Variants in FGF12 observed in about 807,000 individuals in gnomAD.
The protein encoded by FGF12 is fibroblast growth factor 12B.
In FGF12, 14 loss-of-function variants were observed where a neutral mutation model predicts 23.6. That is an observed-to-expected ratio of 0.59 (90% confidence interval 0.39 to 0.93). The LOEUF is 0.93. Ranked by LOEUF, FGF12 falls within the 40% of genes least tolerant of loss-of-function variation. FGF12 has a pLI of 0.00. For synonymous variants in FGF12, 62 were observed against 77.3 expected, an observed-to-expected ratio of 0.80 and a Z score of 1.04; for missense variants, 175 against 217.8, an observed-to-expected ratio of 0.80 and a Z score of 1.24.
chr3:192,303,850 T>C (rs1440431201), intron 4 of FGF12, among the ~76,000 whole-genome samples: 2 of 152,176 alleles, frequency 1.3e-5, no homozygotes, highest in African/African-American at 2.4e-5. Flanking sequence ...ATATAGCAGA[T>C]CTCAAAGCCC....
intron 2 of FGF12, among the ~76,000 whole-genome samples, chr3:192,379,964 A>G (rs1719747657): frequency 6.6e-6 from 1 of 152,200 alleles, no homozygotes; most frequent in Non-Finnish European, 1.5e-5. Flanking sequence ...GTTATTGGAT[A>G]CCATAAAGTA....
intron 2 of FGF12, among the ~76,000 whole-genome samples, chr3:192,381,994 CT>C (rs112331195): frequency 3.4e-3 from 497 of 145,294 alleles, no homozygotes; most frequent in East Asian, 7.9e-3. Flanking sequence ...TAGCATAACA[CT>C]TTTTTTTTTT....
chr3:192,710,792 T>C (rs1007531464), intron 2 of FGF12, among the ~76,000 whole-genome samples: 1 of 152,198 alleles, frequency 6.6e-6, no homozygotes, highest in Non-Finnish European at 1.5e-5. Flanking sequence ...ACTCTCTGCA[T>C]AGTGGACAGA....
At chr3:192,369,557 G>A (rs1008861099) in intron 2 of FGF12, among the ~76,000 whole-genome samples, 2 of 152,322 alleles carry the variant, frequency 1.3e-5, no homozygotes, top group Middle Eastern at 3.4e-3. Context: ...GACATGAGAC[G>A]GAGGGCAGGA....
chr3:192,417,457 C>A (rs572685769), intron 2 of FGF12, among the ~76,000 whole-genome samples: 1 of 151,408 alleles, frequency 6.6e-6, no homozygotes, highest in South Asian at 2.1e-4. Context: ...CCTGTAAGAA[C>A]GTAGTATAGT....
chr3:192,249,471 A>G (rs1231101028), intron 4 of FGF12, among the ~76,000 whole-genome samples: 1 of 152,188 alleles, frequency 6.6e-6, no homozygotes, highest in Non-Finnish European at 1.5e-5. Flanking sequence ...CCACCACTTC[A>G]TGAACAGTCA....
intron 2 of FGF12, among the ~76,000 whole-genome samples, chr3:192,690,192 G>A (rs1159578463): frequency 6.6e-6 from 1 of 151,818 alleles, no homozygotes; most frequent in Non-Finnish European, 1.5e-5. Context: ...TTACTAATTA[G>A]TAACATAAAA....
intron 2 of FGF12, among the ~76,000 whole-genome samples, chr3:192,669,328 C>G (rs1910437): frequency 0.46 from 69,694 of 151,824 alleles, 16,464 homozygotes; most frequent in East Asian, 0.66. Context: ...TGGTTCACGC[C>G]TGTAATCCCA....
At chr3:192,685,637 C>T (rs1717705331) in intron 2 of FGF12, among the ~76,000 whole-genome samples, 2 of 151,870 alleles carry the variant, frequency 1.3e-5, no homozygotes, top group Admixed American at 1.3e-4. Flanking sequence ...CAGGTACCAG[C>T]ACGGAGGAGA....
intron 2 of FGF12, among the ~76,000 whole-genome samples, chr3:192,565,580 G>C (rs528134342): frequency 6.6e-6 from 1 of 152,250 alleles, no homozygotes; most frequent in Non-Finnish European, 1.5e-5. Flanking sequence ...TGCTGTATAG[G>C]TTTTTGTAGC....
intron 2 of FGF12, among the ~76,000 whole-genome samples, chr3:192,618,833 A>G (rs1714862887): frequency 6.6e-6 from 1 of 152,032 alleles, no homozygotes; most frequent in Non-Finnish European, 1.5e-5. Context: ...ATCCGCCTTA[A>G]ATTAGCAAAC....
intron 2 of FGF12, among the ~76,000 whole-genome samples, chr3:192,400,188 C>G (rs1720698754): frequency 6.6e-6 from 1 of 152,118 alleles, no homozygotes; most frequent in South Asian, 2.1e-4. Context: ...AATCAAATAA[C>G]TAACAATAGG....
At chr3:192,630,609 G>T (rs1715351497) in intron 2 of FGF12, among the ~76,000 whole-genome samples, 1 of 148,126 alleles carries the variant, frequency 6.8e-6, no homozygotes, top group Non-Finnish European at 1.5e-5. Context: ...CTGGAGTGCA[G>T]TGGCGCGATC....
chr3:192,314,595 C>T (rs1445791939), intron 4 of FGF12, among the ~76,000 whole-genome samples: 2 of 152,148 alleles, frequency 1.3e-5, no homozygotes, highest in Non-Finnish European at 1.5e-5. Context: ...GAACCAATAC[C>T]GATAAATGTC....
chr3:192,580,620 G>GT (rs1216749949), intron 2 of FGF12, among the ~76,000 whole-genome samples: 1 of 152,042 alleles, frequency 6.6e-6, no homozygotes, highest in African/African-American at 2.4e-5. Context: ...GTTTTGTTTT[G>GT]TTTTTGAGAC....
intron 4 of FGF12, among the ~76,000 whole-genome samples, chr3:192,189,618 T>C (rs564048841): frequency 6.8e-4 from 103 of 152,186 alleles, no homozygotes; most frequent in African/African-American, 2.4e-3. Flanking sequence ...AGAGGAAATT[T>C]GGATATGCAC....
chr3:192,227,388 A>G (rs774606584), intron 4 of FGF12, among the ~76,000 whole-genome samples: 1 of 152,070 alleles, frequency 6.6e-6, no homozygotes, highest in Non-Finnish European at 1.5e-5. Context: ...CTTTGCTTTT[A>G]TGAGGATGCC....
chr3:192,268,086 T>C (rs1713192378), intron 4 of FGF12, among the ~76,000 whole-genome samples: 1 of 152,218 alleles, frequency 6.6e-6, no homozygotes, highest in Non-Finnish European at 1.5e-5. Context: ...CCCAGCACAG[T>C]ACTATGAAAT....
intron 2 of FGF12, among the ~76,000 whole-genome samples, chr3:192,419,601 A>G (rs1721458827): frequency 6.6e-6 from 1 of 152,156 alleles, no homozygotes; most frequent in South Asian, 2.1e-4. Flanking sequence ...CTATAAAATG[A>G]TTAAGGTCAG....
Sources: allele counts gnomAD v4.1 joint callset (sites outside exome capture counted in the v4.1 genomes callset), GRCh38; gene constraint gnomAD v4.1.1; transcripts MANE v1.5; gene names NCBI Gene and HGNC (gene_info 2026-07-23, HGNC 2026-07-21).